Variants in ASTN2 observed in about 807,000 individuals in gnomAD.
ASTN2 encodes astrotactin-2.
Under a neutral mutation model 139.8 loss-of-function variants are expected in ASTN2, and 54 were observed. The observed-to-expected ratio is 0.39, with a 90% CI of 0.31 to 0.48. The LOEUF is 0.48. Among genes scored for constraint, ASTN2 ranks in the 20% least tolerant of loss-of-function variants. The pLI, the probability that ASTN2 is intolerant of heterozygous loss-of-function variation, is 0.95. For synonymous variants in ASTN2, 756 were observed against 719.5 expected, an observed-to-expected ratio of 1.05 and a Z score of -0.81; for missense variants, 1,565 against 1,725.1, an observed-to-expected ratio of 0.91 and a Z score of 1.64.
chr9:117,031,607 A>C (rs1258766207), intron 6 of ASTN2, among the ~76,000 whole-genome samples: 1 of 152,168 alleles, frequency 6.6e-6, no homozygotes, highest in East Asian at 1.9e-4. Context: ...TGAAATAAAT[A>C]TAATACAGAA....
intron 19 of ASTN2, among the ~76,000 whole-genome samples, chr9:116,522,561 G>A (rs9987938): frequency 0.33 from 49,785 of 151,960 alleles, 9,522 homozygotes; most frequent in Admixed American, 0.45. Flanking sequence ...ATTGGGTACA[G>A]TGTACACTGC....
At chr9:117,333,799 C>T (rs1011231887) in intron 1 of ASTN2, among the ~76,000 whole-genome samples, 3 of 152,070 alleles carry the variant, frequency 2.0e-5, no homozygotes, top group Non-Finnish European at 4.4e-5. Context: ...CCACTGCACC[C>T]GTCCATTTGC....
chr9:117,214,572 G>C lies in ASTN2; in HGVS notation c.801C>G (p.Ser267Arg). The C allele has an allele frequency of 6.2e-7, 1 of 1,609,858 alleles. No individual in the cohort carries two copies. The highest frequency in any genetic ancestry group is 8.5e-7 in the Non-Finnish European group (1 of 1,176,414). ...SVLLGPQARE[S>R]FRSSRLQTHN... ...GGGTTTGCAGCCGGGATGAACGGAAGCTCTCCCGCGCCTGGGGACCCAGCA... is the reference window on the plus strand; with the variant it reads ...GGGTTTGCAGCCGGGATGAACGGAACCTCTCCCGCGCCTGGGGACCCAGCA... Residue 267 changes from serine (S) to arginine (R), a missense_variant, in exon 3 of 23, where the codon AGC (serine) becomes AGG (arginine). Transcript: ENST00000313400.
At chr9:116,586,837 C>CAT (rs1554717131) in intron 19 of ASTN2, among the ~76,000 whole-genome samples, 3 of 149,232 alleles carry the variant, frequency 2.0e-5, no homozygotes, top group African/African-American at 7.4e-5. Context: ...TACATACACA[C>CAT]ACACACACAC....
intron 2 of ASTN2, among the ~76,000 whole-genome samples, chr9:117,286,739 C>G (rs1834460424): frequency 6.6e-6 from 1 of 152,222 alleles, no homozygotes; most frequent in South Asian, 2.1e-4. Context: ...CTGGCATGAG[C>G]AACTCCTCTC....
At chr9:117,225,539 A>ATATATGTG (rs1832682321) in intron 2 of ASTN2, among the ~76,000 whole-genome samples, 1 of 30,244 alleles carries the variant, frequency 3.3e-5, no homozygotes. Context: ...CTGTATGTAT[A>ATATATGTG]TATATATATA....
At position 117,237,786 on chromosome 9, in the gene ASTN2, A is replaced by G. The variant is rs541194718; in HGVS notation, c.631-23044T>C. On this transcript the variant is annotated intron_variant, in intron 2 of 22. Coordinates refer to ENST00000313400, the MANE Select transcript of ASTN2 (RefSeq NM_001365068.1). ...GAGCCACCACACTCAGCCGAGGTTG[A>G]GTTCTGCCTGTGTGCCATGTGTGCC... Among the ~76,000 whole-genome samples the G allele has an allele frequency of 3.3e-5, 5 of 152,276 alleles. No individual in the cohort carries two copies. In the South Asian group the frequency reaches 1.0e-3, roughly 32 times the overall value.
At chr9:117,113,071 A>C (rs1275385010) in intron 4 of ASTN2, among the ~76,000 whole-genome samples, 1 of 152,210 alleles carries the variant, frequency 6.6e-6, no homozygotes, top group Admixed American at 6.6e-5. Context: ...GCTAAATTTT[A>C]AAAAGATCAG....
At chr9:116,672,056 T>C (rs1859228287) in intron 16 of ASTN2, among the ~76,000 whole-genome samples, 1 of 152,274 alleles carries the variant, frequency 6.6e-6, no homozygotes, top group African/African-American at 2.4e-5. Flanking sequence ...GTAACATAAA[T>C]ACATAAAATT....
At chr9:116,446,019 T>G (rs1186940309) in intron 20 of ASTN2, among the ~76,000 whole-genome samples, 2 of 151,912 alleles carry the variant, frequency 1.3e-5, no homozygotes, top group African/African-American at 4.8e-5. Flanking sequence ...GAGGCACATC[T>G]GAAAGCTGTT....
intron 22 of ASTN2, among the ~76,000 whole-genome samples, chr9:116,438,766 G>A (rs1354132687): frequency 6.6e-6 from 1 of 151,986 alleles, no homozygotes; most frequent in African/African-American, 2.4e-5. Context: ...CCAACTTGGC[G>A]AAACCCTCTC....
chr9:116,425,783 G>T lies in ASTN2; in HGVS notation c.*68C>A. 8 of 1,571,828 alleles carry T rather than the reference G, an allele frequency of 5.1e-6. No homozygotes were observed. Among genetic ancestry groups the T allele is most frequent in the Non-Finnish European group, 6.9e-6 (8 of 1,155,384 alleles). On this transcript the variant is annotated 3_prime_UTR_variant, in exon 23 of 23. Coordinates refer to ENST00000313400, the MANE Select transcript of ASTN2 (RefSeq NM_001365068.1). ...TGTCCCCCAGCCCACCCAGGCCCCA[G>T]GATCCAGGAGAATACTGCTCCCCCT...
chr9:116,609,976 G>A (rs1855449039), intron 19 of ASTN2, among the ~76,000 whole-genome samples: 1 of 151,770 alleles, frequency 6.6e-6, no homozygotes, highest in Non-Finnish European at 1.5e-5. Flanking sequence ...TGCTAATAAA[G>A]TCAACAAAGG....
intron 2 of ASTN2, among the ~76,000 whole-genome samples, chr9:117,251,114 AGAG>A (rs1412521315): frequency 6.6e-6 from 1 of 152,166 alleles, no homozygotes; most frequent in African/African-American, 2.4e-5. Context: ...CTCGCTTTGC[AGAG>A]GAGAAGCTGA....
chr9:116,611,755 A>G (rs1855550055), intron 19 of ASTN2: 1 of 152,178 alleles, frequency 6.6e-6, no homozygotes, highest in Non-Finnish European at 1.5e-5. Flanking sequence ...CTAAATTAGT[A>G]GTTAAAAACC....
chr9:116,757,652 C>A (rs555982242), intron 13 of ASTN2, among the ~76,000 whole-genome samples: 1 of 152,098 alleles, frequency 6.6e-6, no homozygotes, highest in East Asian at 1.9e-4. Context: ...TAGGGCTCAT[C>A]GTCTTATTAC....
chr9:116,957,513 A>G (rs934738303), intron 10 of ASTN2, among the ~76,000 whole-genome samples: 1 of 152,138 alleles, frequency 6.6e-6, no homozygotes, highest in Non-Finnish European at 1.5e-5. Context: ...CATGTGTTGC[A>G]CTCAGTTGTC....
chr9:116,593,051 T>C (rs1854436232), intron 19 of ASTN2, among the ~76,000 whole-genome samples: 1 of 152,218 alleles, frequency 6.6e-6, no homozygotes, highest in African/African-American at 2.4e-5. Flanking sequence ...ACAAATATGT[T>C]GCCCATGACA....
At chr9:116,492,791 CAA>C (rs1793573933) in intron 19 of ASTN2, among the ~76,000 whole-genome samples, 1 of 152,094 alleles carries the variant, frequency 6.6e-6, no homozygotes, top group South Asian at 2.1e-4. Flanking sequence ...GAGAAAGACA[CAA>C]AGTCTCCAAG....
Sources: gnomAD v4.1 joint callset for allele counts (sites outside exome capture counted in the v4.1 genomes callset) on GRCh38, gnomAD v4.1.1 for gene constraint, MANE v1.5 for transcripts, NCBI Gene and HGNC (gene_info 2026-07-23, HGNC 2026-07-21) for gene names.